The following CLEC16A variants were observed in gnomAD, a reference collection of about 807,000 sequenced individuals.
CLEC16A encodes C-type lectin domain containing 16A.
A neutral mutation model predicts 109.5 loss-of-function variants in CLEC16A; 51 were observed. The ratio of observed to expected loss-of-function variants is 0.47; its 90% CI spans 0.37 to 0.59. The LOEUF (loss-of-function observed/expected upper bound fraction) is 0.59. Ranked by LOEUF, CLEC16A falls within the 20% of genes least tolerant of loss-of-function variation. The probability of loss-of-function intolerance (pLI) is 0.00; values close to 1 mark genes in which losing one functional copy is unlikely to be tolerated. For missense variants in CLEC16A, 1,339 were observed against 1,394.0 expected, an observed-to-expected ratio of 0.96 and a Z score of 0.63; for synonymous variants, 673 against 564.2, an observed-to-expected ratio of 1.19 and a Z score of -2.73.
chr16:11,150,044 A>G (rs1597571675), intron 22 of CLEC16A: 1 of 152,172 alleles, frequency 6.6e-6, no homozygotes, highest in East Asian at 1.9e-4. Context: ...GCCTTCAGGT[A>G]TTTATGGGCG....
rs568522431 is a variant in CLEC16A, at chr16:10,961,251, G to A, written c.210-1204G>A. On this transcript the variant is annotated intron_variant, in intron 2 of 23. Coordinates refer to ENST00000409790, the MANE Select transcript of CLEC16A (RefSeq NM_015226.3). This position sits in a 1 kb window ranked among gnomAD's most constrained non-coding sequence, Gnocchi z 4.3. ...GGCATTTACAGGCAGATGGGCCTCC[G>A]AGTTGGAGAAGATTGTAAGGGTCTT... 1.3e-4 allele frequency among the ~76,000 whole-genome samples: 20 copies of A among 152,264 alleles called. No homozygotes were observed. The highest frequency in any genetic ancestry group is 1.3e-4 in the Admixed American group (2 of 15,298).
chr16:11,018,335 T>C (rs1358721571), intron 11 of CLEC16A, among the ~76,000 whole-genome samples: 1 of 149,770 alleles, frequency 6.7e-6, no homozygotes, highest in Non-Finnish European at 1.5e-5. Context: ...GGAAGATGTC[T>C]CCGTGGAGGC....
At position 11,010,536 on chromosome 16, in the gene CLEC16A, A is replaced by C. The variant is rs75017264; in HGVS notation, c.1303+7231A>C. 7.9e-3 allele frequency among the ~76,000 whole-genome samples: 1,205 copies of C among 152,094 alleles called. 19 individuals carry two copies. Among genetic ancestry groups the C allele is most frequent in the African/African-American group, 0.028 (1,150 of 41,460 alleles). On this transcript the variant is annotated intron_variant, in intron 11 of 23. Coordinates refer to ENST00000409790, the MANE Select transcript of CLEC16A (RefSeq NM_015226.3). ...AACATTTCATACCATTTACTTTCCTATTGTATTTTCTCTGTCTGCACACCC... is the reference window on the plus strand; with the variant it reads ...AACATTTCATACCATTTACTTTCCTCTTGTATTTTCTCTGTCTGCACACCC...
At chr16:10,977,830 T>C (rs1056762986) in intron 8 of CLEC16A, among the ~76,000 whole-genome samples, 1 of 152,182 alleles carries the variant, frequency 6.6e-6, no homozygotes, top group African/African-American at 2.4e-5. Flanking sequence ...GGGAGATTCC[T>C]TTCAAAGCAC....
chr16:10,953,778 C>T (rs2041850785), intron 1 of CLEC16A, among the ~76,000 whole-genome samples: 1 of 152,150 alleles, frequency 6.6e-6, no homozygotes, highest in Non-Finnish European at 1.5e-5. Flanking sequence ...AGATCGAGAC[C>T]ATCCTGGCTA....
chr16:11,026,182 A>T (rs115055923), intron 13 of CLEC16A, among the ~76,000 whole-genome samples: 1,746 of 152,324 alleles, frequency 0.011, 41 homozygotes, highest in African/African-American at 0.034. Context: ...ATGCTCACCT[A>T]ATAGAATGAA....
At chr16:11,121,821 A>C (rs2052433035) in intron 20 of CLEC16A, among the ~76,000 whole-genome samples, 1 of 136,946 alleles carries the variant, frequency 7.3e-6, no homozygotes, top group South Asian at 2.4e-4. Context: ...CAGAGGATGC[A>C]GTGAGCTGAG....
intron 22 of CLEC16A, among the ~76,000 whole-genome samples, chr16:11,134,993 G>A (rs972252696): frequency 4.6e-5 from 7 of 152,214 alleles, no homozygotes; most frequent in Non-Finnish European, 8.8e-5. Context: ...AAGATGCTCC[G>A]TCCTGAGACC....
At chr16:11,053,715 C>T (rs2048067099) in intron 18 of CLEC16A, among the ~76,000 whole-genome samples, 1 of 152,132 alleles carries the variant, frequency 6.6e-6, no homozygotes, top group African/African-American at 2.4e-5. Flanking sequence ...GTGATTTGCT[C>T]AAGGTCACCC....
intron 22 of CLEC16A, among the ~76,000 whole-genome samples, chr16:11,158,970 G>A (rs960853014): frequency 6.6e-6 from 1 of 150,954 alleles, no homozygotes; most frequent in Non-Finnish European, 1.5e-5. Flanking sequence ...GCATACAAAC[G>A]GCTCACAAGA....
intron 19 of CLEC16A, among the ~76,000 whole-genome samples, chr16:11,080,109 T>C (rs910846535): frequency 6.6e-6 from 1 of 152,214 alleles, no homozygotes; most frequent in East Asian, 1.9e-4. Context: ...ATTGCACACT[T>C]GACTGTAGAC....
intron 6 of CLEC16A, 79 bp downstream of exon 6, chr16:10,972,638 C>G (rs1436991191): frequency 4.5e-6 from 6 of 1,341,576 alleles, no homozygotes; most frequent in Non-Finnish European, 6.4e-6. Context: ...TGGTGTAATT[C>G]TCAGTGTAGT....
chr16:11,029,231 G>A (rs2046599206), intron 13 of CLEC16A, among the ~76,000 whole-genome samples: 1 of 152,128 alleles, frequency 6.6e-6, no homozygotes, highest in Non-Finnish European at 1.5e-5. Flanking sequence ...AGACTCTACT[G>A]TGTCCCATGG....
intron 22 of CLEC16A, among the ~76,000 whole-genome samples, chr16:11,137,080 A>C (rs1374736207): frequency 6.6e-6 from 1 of 152,242 alleles, no homozygotes; most frequent in East Asian, 1.9e-4. Context: ...GTGAACCAAG[A>C]GTACAGAAGT....
At chr16:11,081,054 G>A (rs2049684952) in intron 19 of CLEC16A, among the ~76,000 whole-genome samples, 1 of 152,236 alleles carries the variant, frequency 6.6e-6, no homozygotes, top group Non-Finnish European at 1.5e-5. Flanking sequence ...GGGACACGCT[G>A]CAATTGAGGA....
chr16:11,118,357 A>G (rs903572837), intron 19 of CLEC16A, among the ~76,000 whole-genome samples: 2 of 109,350 alleles, frequency 1.8e-5, no homozygotes, highest in Non-Finnish European at 3.7e-5. Flanking sequence ...GCACCAAACA[A>G]TTCAAGATAA....
Position 10,944,616 on chromosome 16 carries a change from T to A in CLEC16A, c.-102T>A. ...GGCGGCTCGCGGTTCCTCCACCGCC[T>A]CCGCCGCCGCATCCTCCGCTTGTGC... On this transcript the variant is annotated 5_prime_UTR_variant, in exon 1 of 24. Transcript: ENST00000409790. 8.6e-7 allele frequency: 1 copy of A among 1,166,074 alleles called. No homozygotes were observed. Among genetic ancestry groups the A allele is most frequent in the Non-Finnish European group, 1.2e-6 (1 of 821,722 alleles). The allele number at this position is 1,166,074 out of a possible 1,614,324, so 72.2% of individuals were successfully genotyped here.
chr16:10,976,022 T>C (rs1191914802), intron 7 of CLEC16A, among the ~76,000 whole-genome samples: 1 of 151,998 alleles, frequency 6.6e-6, no homozygotes, highest in Non-Finnish European at 1.5e-5. Flanking sequence ...CCTACCACTT[T>C]GGGAGGCCGA....
At chr16:11,011,763 CG>C (rs901809466) in intron 11 of CLEC16A, among the ~76,000 whole-genome samples, 2 of 152,026 alleles carry the variant, frequency 1.3e-5, no homozygotes, top group African/African-American at 4.8e-5. Context: ...TATAAGCATG[CG>C]TACACACACG....
Sources: allele counts gnomAD v4.1 joint callset (sites outside exome capture counted in the v4.1 genomes callset), GRCh38; gene constraint gnomAD v4.1.1; non-coding constraint Gnocchi (gnomAD v3.1); transcripts MANE v1.5; gene names NCBI Gene and HGNC (gene_info 2026-07-23, HGNC 2026-07-21).